TP73: variants seen among roughly 807,000 people sequenced by gnomAD.
The protein encoded by TP73 is p53-like transcription factor.
Under a neutral mutation model 62.5 loss-of-function variants are expected in TP73, and 25 were observed. That is an observed-to-expected ratio of 0.40 (90% CI 0.29 to 0.56). TP73 has a LOEUF of 0.56. Ranked by LOEUF, TP73 falls within the 20% of genes least tolerant of loss-of-function variation. The pLI is 0.46. For missense variants in TP73, 754 were observed against 913.3 expected (o/e 0.83, Z 2.25); for synonymous variants, 423 against 377.5 (o/e 1.12, Z -1.40).
At position 3,701,292 on chromosome 1, in the gene TP73, G is replaced by A. The variant is rs867752005; in HGVS notation, c.187-6257G>A. Among the ~76,000 whole-genome samples, 23 of 152,100 alleles carry A rather than the reference G, an allele frequency of 1.5e-4. No individual in the cohort carries two copies. Among genetic ancestry groups the A allele is most frequent in the South Asian group, 4.2e-4 (2 of 4,810 alleles). On this transcript the variant is annotated intron_variant, in intron 3 of 13. Transcript: ENST00000378295. The surrounding 1 kb of genome is among the most constrained non-coding windows in gnomAD (Gnocchi z 4.7). ...CTCTGCGTAGTGAATCTGGATTCCC[G>A]TCCCTGTTCCTCGGCGGAGCCTGCC...
At chr1:3,654,080 A>G (rs896906857) in intron 1 of TP73, among the ~76,000 whole-genome samples, 2 of 152,222 alleles carry the variant, frequency 1.3e-5, no homozygotes, top group East Asian at 3.9e-4. Context: ...AGGCTGAGGC[A>G]CAAGAATTGC....
chr1:3,674,541 C>T (rs938915483), intron 1 of TP73, among the ~76,000 whole-genome samples: 3 of 152,232 alleles, frequency 2.0e-5, no homozygotes, highest in East Asian at 1.9e-4. Flanking sequence ...CTGACGAAGC[C>T]GTCCTGGCAA....
chr1:3,702,694 C>T (rs998144976), intron 3 of TP73, among the ~76,000 whole-genome samples: 5 of 152,232 alleles, frequency 3.3e-5, no homozygotes, highest in African/African-American at 1.2e-4. Flanking sequence ...AGGCCACCCG[C>T]TGGCTCTCTG....
intron 4 of TP73, chr1:3,714,183 T>C (rs756720102): frequency 1.3e-5 from 2 of 152,332 alleles, no homozygotes; most frequent in Non-Finnish European, 2.9e-5. Context: ...TAGCCAACTA[T>C]TACCTTAAAA....
At chr1:3,726,470 T>C (rs1404373742) in intron 6 of TP73, among the ~76,000 whole-genome samples, 1 of 100,792 alleles carries the variant, frequency 9.9e-6, no homozygotes, top group South Asian at 3.2e-4. Context: ...GATGGATGGA[T>C]TGATATTGAA....
rs1645037652 is a variant in TP73 at position 3,663,334 on chromosome 1, C to G, written c.-34+10693C>G. Among the ~76,000 whole-genome samples, 1 of 152,172 alleles carries G rather than the reference C, an allele frequency of 6.6e-6. No homozygotes were observed. The highest frequency in any genetic ancestry group is 2.4e-5 in the African/African-American group (1 of 41,432). ...CGAGAAGTTCCATGTGACACAGGAG[C>G]CTTGAGAATGGAACACCCATCGAAC... On this transcript the variant is annotated intron_variant, in intron 1 of 13. Transcript: ENST00000378295. This position sits in a 1 kb window ranked among gnomAD's most constrained non-coding sequence, Gnocchi z 4.7.
Position 3,666,800 on chromosome 1 carries a change from A to G in TP73, c.-34+14159A>G, listed in dbSNP as rs898515336. On this transcript the variant is annotated intron_variant, in intron 1 of 13. Coordinates refer to ENST00000378295, the MANE Select transcript of TP73 (RefSeq NM_005427.4). The surrounding 1 kb of genome is among the most constrained non-coding windows in gnomAD (Gnocchi z 6.4). ...TCAGTGCCATGCGGGCGTCTCTCCC[A>G]GGGCGGCTTTCAGACTGACCCCCAA... Among the ~76,000 whole-genome samples the G allele has an allele frequency of 2.0e-5, 3 of 152,180 alleles. No homozygotes were observed. Among genetic ancestry groups the G allele is most frequent in the Non-Finnish European group, 4.4e-5 (3 of 68,032 alleles).
intron 1 of TP73, among the ~76,000 whole-genome samples, chr1:3,654,908 C>T (rs551521068): frequency 1.2e-4 from 19 of 152,304 alleles, no homozygotes; most frequent in Admixed American, 7.8e-4. Context: ...GTGAAAGGCA[C>T]GGCTAAAGTG....
chr1:3,679,826 T>C (rs1275458365), intron 1 of TP73, among the ~76,000 whole-genome samples: 1 of 99,886 alleles, frequency 1.0e-5, no homozygotes, highest in Non-Finnish European at 2.2e-5. Context: ...TCTGTCTCTG[T>C]CTCTCTTTGT....
chr1:3,690,903 A>G, intron 3 of TP73: 2 of 1,576,844 alleles, frequency 1.3e-6, no homozygotes, highest in Non-Finnish European at 1.7e-6. Context: ...CCCGGCGCCT[A>G]CCATGCTGTA....
chr1:3,699,667 G>C lies in TP73; in HGVS notation c.187-7882G>C, dbSNP rs1416161788. ...GTCTCTGCCCCGTCTGGAGCTCCCG[G>C]TTCCTGTCCTAGTTGAACAGAATGA... is the stretch of plus-strand genomic sequence containing the variant. On this transcript the variant is annotated intron_variant, in intron 3 of 13. Coordinates refer to ENST00000378295, the MANE Select transcript of TP73 (RefSeq NM_005427.4). The surrounding 1 kb of genome is among the most constrained non-coding windows in gnomAD (Gnocchi z 4.1). Among the ~76,000 whole-genome samples, 1 of 152,222 alleles carries C rather than the reference G, an allele frequency of 6.6e-6. No individual in the cohort carries two copies. The highest frequency in any genetic ancestry group is 2.4e-5 in the African/African-American group (1 of 41,466).
chr1:3,722,241 A>G, intron 5 of TP73, 34 bp downstream of exon 5: 1 of 1,610,082 alleles, frequency 6.2e-7, no homozygotes, highest in Non-Finnish European at 8.5e-7. Flanking sequence ...CCACGGTGGC[A>G]CTTTGCCCAG....
intron 1 of TP73, among the ~76,000 whole-genome samples, chr1:3,671,529 C>T (rs1245390611): frequency 6.6e-6 from 1 of 152,226 alleles, no homozygotes; most frequent in African/African-American, 2.4e-5. Context: ...AAGGCTGGAT[C>T]GTTGTCTGCC....
At position 3,682,474 on chromosome 1, in the gene TP73, GCAC is replaced by G. The variant is rs769304169; in HGVS notation, c.65+45_65+47del. 13 of 1,429,734 alleles carry G rather than the reference GCAC, an allele frequency of 9.1e-6. No homozygotes were observed. In the East Asian group the frequency reaches 3.0e-4, roughly 33 times the overall value. The allele number at this position is 1,429,734 out of a possible 1,614,324, so 88.6% of individuals were successfully genotyped here. On this transcript the variant is annotated intron_variant, in intron 2 of 13. Coordinates refer to ENST00000378295, the MANE Select transcript of TP73 (RefSeq NM_005427.4). ...CCAGAGCTGGGGGCCCCCCTGGGAG[GCAC>G]TCTGGGCTAGCCTCAGCCACCTTCG...
At chr1:3,716,242 C>T (rs945420763) in intron 4 of TP73, among the ~76,000 whole-genome samples, 6 of 152,204 alleles carry the variant, frequency 3.9e-5, no homozygotes, top group Non-Finnish European at 8.8e-5. Context: ...CCCGGCTGGC[C>T]AGCATGGGGG....
rs1318927479 is a variant in TP73 at position 3,672,460 on chromosome 1, C to T, written c.-33-9873C>T. Among the ~76,000 whole-genome samples, 1 of 152,030 alleles carries T rather than the reference C, an allele frequency of 6.6e-6. No individual in the cohort carries two copies. The highest frequency in any genetic ancestry group is 2.4e-5 in the African/African-American group (1 of 41,362). On this transcript the variant is annotated intron_variant, in intron 1 of 13. Coordinates refer to ENST00000378295, the MANE Select transcript of TP73 (RefSeq NM_005427.4). The surrounding 1 kb of genome is among the most constrained non-coding windows in gnomAD (Gnocchi z 5.3). ...TGTGCAGAACGAGGCTGTGGCAGCT[C>T]CAGCGAAGGCGGCTGCGGCCCCATC...
chr1:3,717,335 G>A (rs1345894038), intron 4 of TP73, among the ~76,000 whole-genome samples: 1 of 152,176 alleles, frequency 6.6e-6, no homozygotes, highest in Non-Finnish European at 1.5e-5. Flanking sequence ...GGAGGGGAAG[G>A]AGAGGAGGGT....
intron 4 of TP73, among the ~76,000 whole-genome samples, chr1:3,711,846 A>G (rs3819965): frequency 0.26 from 38,943 of 150,098 alleles, 5,715 homozygotes; most frequent in East Asian, 0.37. Flanking sequence ...GAGCGTGTGT[A>G]TGTGTGTGTG....
At chr1:3,704,979 C>T (rs1396128264) in intron 3 of TP73, among the ~76,000 whole-genome samples, 2 of 152,224 alleles carry the variant, frequency 1.3e-5, no homozygotes, top group African/African-American at 4.8e-5. Flanking sequence ...TTCCCCAGAC[C>T]CCCTCACAAT....
Sources: gnomAD v4.1 joint callset for allele counts (sites outside exome capture counted in the v4.1 genomes callset) on GRCh38, gnomAD v4.1.1 for gene constraint, Gnocchi (gnomAD v3.1) non-coding constraint, MANE v1.5 for transcripts, NCBI Gene and HGNC (gene_info 2026-07-23, HGNC 2026-07-21) for gene names.